Variants in ARHGEF10 observed in about 807,000 individuals in gnomAD.
ARHGEF10 encodes Rho guanine nucleotide exchange factor (GEF) 10.
In ARHGEF10, 140 loss-of-function variants were observed where a neutral mutation model predicts 147.4. The observed-to-expected ratio is 0.95, with a 90% CI of 0.83 to 1.09. The LOEUF (loss-of-function observed/expected upper bound fraction) is 1.09, where lower values mean the gene tolerates loss of function less well. Ranked by LOEUF, ARHGEF10 falls within the 50% of genes least tolerant of loss-of-function variation. ARHGEF10 has a pLI of 0.00. For missense variants in ARHGEF10, 2,222 were observed against 1,752.7 expected, an observed-to-expected ratio of 1.27 and a Z score of -4.78; for synonymous variants, 902 against 695.8, an observed-to-expected ratio of 1.30 and a Z score of -4.67.
intron 1 of ARHGEF10, among the ~76,000 whole-genome samples, chr8:1,835,516 C>A (rs34611066): frequency 0.59 from 90,169 of 151,968 alleles, 27,070 homozygotes; most frequent in Middle Eastern, 0.72. Flanking sequence ...CTTCCTCCCA[C>A]GCAGGAGTCA....
chr8:1,945,964 C>G (rs979558220), intron 27 of ARHGEF10: 5 of 514,476 alleles, frequency 9.7e-6, no homozygotes, highest in African/African-American at 1.9e-5. Context: ...GACGATTTCT[C>G]ATCATCGGTG....
chr8:1,923,139 T>C (rs1031512833), intron 19 of ARHGEF10, 60 bp downstream of exon 19: 8 of 1,226,564 alleles, frequency 6.5e-6, no homozygotes, highest in Non-Finnish European at 9.5e-6. Context: ...ATTGTAAGTA[T>C]GTGATTATAT....
At chr8:1,846,786 A>G (rs966917609) in intron 2 of ARHGEF10, among the ~76,000 whole-genome samples, 10 of 152,156 alleles carry the variant, frequency 6.6e-5, no homozygotes, top group African/African-American at 2.4e-4. Context: ...CGTGTTGGCC[A>G]GGCTGGTCTC....
intron 27 of ARHGEF10, among the ~76,000 whole-genome samples, chr8:1,950,874 C>A (rs1050976509): frequency 1.3e-5 from 2 of 152,044 alleles, no homozygotes; most frequent in African/African-American, 4.8e-5. Flanking sequence ...GCCACTGCGC[C>A]CGGCCTACCC....
chr8:1,847,271 C>G (rs1046504921), intron 2 of ARHGEF10, among the ~76,000 whole-genome samples: 2 of 152,144 alleles, frequency 1.3e-5, no homozygotes, highest in Non-Finnish European at 2.9e-5. Flanking sequence ...AAACAGAACC[C>G]CTCTCATAAG....
chr8:1,858,029 G>A lies in ARHGEF10; in HGVS notation c.107G>A (p.Gly36Glu), dbSNP rs776745780. The change falls in exon 3 of 29, where the codon GGA becomes GAA. Residue 36 changes from glycine (G) to glutamate (E), a missense_variant. Coordinates refer to ENST00000349830, the MANE Select transcript of ARHGEF10 (RefSeq NM_014629.4). ...GGAGAACAGTTCGATTTTGACAGTGGAGATGAAATCCCAGAAGCGGACAGA... is the reference window on the plus strand; with the variant it reads ...GGAGAACAGTTCGATTTTGACAGTGAAGATGAAATCCCAGAAGCGGACAGA... Reference protein sequence around the residue: ...EEGEQFDFDSGDEIPEADRQA... With the variant: ...EEGEQFDFDSEDEIPEADRQA... 3.1e-6 allele frequency: 5 copies of A among 1,613,986 alleles called. No individual in the cohort carries two copies. The Admixed American group carries it at 8.3e-5, about 27-fold the overall frequency.
At chr8:1,846,285 T>C (rs185731508) in intron 2 of ARHGEF10, among the ~76,000 whole-genome samples, 2 of 152,388 alleles carry the variant, frequency 1.3e-5, no homozygotes, top group East Asian at 3.9e-4. Context: ...GTGCTCTGGC[T>C]TGGAAACTTA....
chr8:1,920,243 G>A (rs1424720499), intron 18 of ARHGEF10, among the ~76,000 whole-genome samples: 1 of 152,212 alleles, frequency 6.6e-6, no homozygotes, highest in East Asian at 1.9e-4. Flanking sequence ...AATTTGATTG[G>A]ATGATAATTG....
At chr8:1,917,850 C>CT (rs1811874243) in intron 18 of ARHGEF10, among the ~76,000 whole-genome samples, 1 of 152,080 alleles carries the variant, frequency 6.6e-6, no homozygotes, top group Non-Finnish European at 1.5e-5. Flanking sequence ...TCTTGGCTCA[C>CT]TGCAACCTCC....
chr8:1,823,489 G>A (rs1802525694), upstream of ARHGEF10, among the ~76,000 whole-genome samples: 1 of 152,088 alleles, frequency 6.6e-6, no homozygotes, highest in African/African-American at 2.4e-5. Context: ...TCCCTCAGGT[G>A]AGCTCAGCCC....
chr8:1,878,604 A>C (rs1807906821), intron 8 of ARHGEF10, among the ~76,000 whole-genome samples: 1 of 151,976 alleles, frequency 6.6e-6, no homozygotes, highest in South Asian at 2.1e-4. Context: ...TCACAGATGG[A>C]GGCTCGGTGT....
In ARHGEF10 at chr8:1,823,975, C is replaced by CGGGGTCGCG. The variant is rs1563137088; in HGVS notation, c.-181_-173dup. Reference sequence around the variant, plus strand: ...CGGCGGGCGCGCGATCCGGGACGGACGGGGTCGCGGGGGACGCGGGGGACG... The same window carrying CGGGGTCGCG: ...CGGCGGGCGCGCGATCCGGGACGGACGGGGTCGCGGGGGTCGCGGGGGACGCGGGGGACG... On this transcript the variant is annotated 5_prime_UTR_variant, in exon 1 of 29. Transcript: ENST00000349830. 2.1e-5 allele frequency: 2 copies of CGGGGTCGCG among 93,858 alleles called. No homozygotes were observed. The highest frequency in any genetic ancestry group is 9.0e-5 in the African/African-American group (2 of 22,136). The allele number at this position is 93,858 out of a possible 1,614,324, so 5.8% of individuals were successfully genotyped here. A position where few individuals can be genotyped will look rare whatever the true frequency, so the allele number is the denominator to read the frequency against.
At chr8:1,855,886 C>G (rs558125331) in intron 2 of ARHGEF10, among the ~76,000 whole-genome samples, 2 of 151,706 alleles carry the variant, frequency 1.3e-5, no homozygotes, top group Admixed American at 6.6e-5. Context: ...TTCACCAGTT[C>G]ATTTCCATAA....
At position 1,859,829 on chromosome 8, in the gene ARHGEF10, C is replaced by T. The variant is rs79319252; in HGVS notation, c.194-68C>T. ...AGCTCATACCTGCTTCCCACTTGCGCTCCAGGAGGGCATGCCTGCCATGCC... is the reference window on the plus strand; with the variant it reads ...AGCTCATACCTGCTTCCCACTTGCGTTCCAGGAGGGCATGCCTGCCATGCC... On this transcript the variant is annotated intron_variant, in intron 3 of 28. Transcript: ENST00000349830. The T allele has an allele frequency of 3.8e-3, 6,007 of 1,593,718 alleles. 208 individuals carry two copies. In the African/African-American group the frequency reaches 0.071, roughly 19 times the overall value.
chr8:1,926,490 A>T, intron 23 of ARHGEF10, 27 bp downstream of exon 23: 1 of 1,593,196 alleles, frequency 6.3e-7, no homozygotes, highest in Non-Finnish European at 8.6e-7. Flanking sequence ...TGGTTTTGGT[A>T]CAAGTTCACA....
At chr8:1,865,861 C>A (rs1384943477) in intron 5 of ARHGEF10, among the ~76,000 whole-genome samples, 2 of 152,240 alleles carry the variant, frequency 1.3e-5, no homozygotes, top group Admixed American at 6.5e-5. Context: ...CAGCTCCCCA[C>A]AGGACGCGGT....
intron 9 of ARHGEF10, 108 bp from the exon 10 acceptor site, chr8:1,882,527 C>T (rs949332898): frequency 8.5e-6 from 8 of 941,434 alleles, no homozygotes; most frequent in African/African-American, 6.5e-5. Context: ...GTGACACATG[C>T]GCTCACAAGA....
chr8:1,829,984 A>G (rs1431435247), intron 1 of ARHGEF10, among the ~76,000 whole-genome samples: 1 of 152,224 alleles, frequency 6.6e-6, no homozygotes, highest in East Asian at 1.9e-4. Flanking sequence ...AGCGGTAGCA[A>G]GAAGGAGAGG....
intron 18 of ARHGEF10, among the ~76,000 whole-genome samples, chr8:1,915,295 G>A (rs536938973): frequency 1.3e-5 from 2 of 152,330 alleles, no homozygotes; most frequent in South Asian, 2.1e-4. Flanking sequence ...CATCTGAAGT[G>A]AATGGAGCAA....
Sources: allele counts gnomAD v4.1 joint callset (sites outside exome capture counted in the v4.1 genomes callset), GRCh38; gene constraint gnomAD v4.1.1; transcripts MANE v1.5; gene names NCBI Gene and HGNC (gene_info 2026-07-23, HGNC 2026-07-21).